The following PDE4D variants were observed in gnomAD, a reference collection of about 807,000 sequenced individuals.
PDE4D encodes the protein 3',5'-cyclic-AMP phosphodiesterase 4D.
PDE4D carries 24 observed loss-of-function variants against 87.4 expected under a neutral mutation model. That is an observed-to-expected ratio of 0.27 (90% CI 0.20 to 0.39). The LOEUF is 0.39. PDE4D is among the 10% of genes least tolerant of loss of function. PDE4D has a pLI of 1.00. For synonymous variants in PDE4D, 384 were observed against 383.2 expected (o/e 1.00, Z -0.02); for missense variants, 714 against 1,041.0 (o/e 0.69, Z 4.32).
chr5:60,363,323 C>T (rs1243033760), intron 1 of PDE4D, among the ~76,000 whole-genome samples: 2 of 152,074 alleles, frequency 1.3e-5, no homozygotes, highest in African/African-American at 4.8e-5. Flanking sequence ...TAGCTAATTC[C>T]AACAGTACCA....
chr5:59,945,810 T>G (rs577425630), intron 3 of PDE4D, among the ~76,000 whole-genome samples: 1 of 152,292 alleles, frequency 6.6e-6, no homozygotes, highest in East Asian at 1.9e-4. Flanking sequence ...GACAGACTGA[T>G]TATTGAATTT....
intron 1 of PDE4D, among the ~76,000 whole-genome samples, chr5:60,331,335 G>GT (rs1757287986): frequency 6.6e-6 from 1 of 152,154 alleles, no homozygotes; most frequent in African/African-American, 2.4e-5. Context: ...ATTAAATGAG[G>GT]TAACATATGC....
Position 60,304,371 on chromosome 5 carries a change from C to T in PDE4D, c.-89-118684G>A, listed in dbSNP as rs1004688071. Among the ~76,000 whole-genome samples the T allele has an allele frequency of 3.9e-5, 6 of 152,028 alleles. No individual in the cohort carries two copies. The South Asian group carries it at 6.2e-4, about 16-fold the overall frequency. ...ATGAAATGGAGAGAGAAGGGCCGGG[C>T]GCGGTGGCTCACGCCTGTAATCCCA... On this transcript the variant is annotated intron_variant, in intron 1 of 16. Coordinates refer to the PDE4D transcript ENST00000502484.
chr5:59,895,413 G>A (rs1751526221), upstream of PDE4D, among the ~76,000 whole-genome samples: 1 of 152,156 alleles, frequency 6.6e-6, no homozygotes, highest in East Asian at 1.9e-4. Flanking sequence ...ATCTGAGAAA[G>A]GTTGTGTCTT....
intron 2 of PDE4D, among the ~76,000 whole-genome samples, chr5:60,107,204 C>T (rs988946381): frequency 6.6e-6 from 1 of 152,174 alleles, no homozygotes; most frequent in Admixed American, 6.5e-5. Flanking sequence ...GAAATACAAA[C>T]TACCATTAGA....
chr5:59,068,494 T>C lies in PDE4D; in HGVS notation c.809-29523A>G, dbSNP rs756988437. ...CAGTGATGAGCAAAGCATTCGTGGTTTCTATGCCCAAGGATCCTATCCCGT... is the reference window on the plus strand; with the variant it reads ...CAGTGATGAGCAAAGCATTCGTGGTCTCTATGCCCAAGGATCCTATCCCGT... On this transcript the variant is annotated intron_variant, in intron 5 of 14. Transcript: ENST00000340635. Among the ~76,000 whole-genome samples, 4 of 152,160 alleles carry C rather than the reference T, an allele frequency of 2.6e-5. No homozygotes were observed. In the East Asian group the frequency reaches 7.7e-4, roughly 29 times the overall value.
At chr5:60,185,545 A>C in intron 2 of PDE4D, 1 of 1,517,978 alleles carries the variant, frequency 6.6e-7, no homozygotes, top group Non-Finnish European at 8.9e-7. Context: ...GATGAAAACA[A>C]AAGTTACTTA....
At chr5:60,510,079 A>G (rs1750503449) in intron 1 of PDE4D, among the ~76,000 whole-genome samples, 1 of 152,208 alleles carries the variant, frequency 6.6e-6, no homozygotes, top group Non-Finnish European at 1.5e-5. Context: ...GCCTTGAGCT[A>G]AGGGGAAGAC....
chr5:59,688,385 C>T lies in PDE4D; in HGVS notation c.455+204783G>A, dbSNP rs1750286130. 6.6e-5 allele frequency among the ~76,000 whole-genome samples: 10 copies of T among 152,286 alleles called. No homozygotes were observed. In the South Asian group the frequency reaches 2.1e-3, roughly 32 times the overall value. ...ACAGTCTGTCTCTCAGACCACAGTG[C>T]AATCAAACTAGAATTCAGGATTAAG... On this transcript the variant is annotated intron_variant, in intron 1 of 14. Transcript: ENST00000340635.
At chr5:60,371,945 T>A (rs1263026408) in intron 1 of PDE4D, among the ~76,000 whole-genome samples, 1 of 152,238 alleles carries the variant, frequency 6.6e-6, no homozygotes, top group Non-Finnish European at 1.5e-5. Context: ...TGCATATGTC[T>A]TTCAGTACAG....
intron 3 of PDE4D, among the ~76,000 whole-genome samples, chr5:59,974,388 T>G (rs1761091614): frequency 6.6e-6 from 1 of 152,184 alleles, no homozygotes. Flanking sequence ...AACTAATACT[T>G]TGAAAATGAT....
intron 1 of PDE4D, among the ~76,000 whole-genome samples, chr5:59,334,873 T>C (rs1294386674): frequency 6.6e-6 from 1 of 152,130 alleles, no homozygotes; most frequent in African/African-American, 2.4e-5. Context: ...ACAGAAATCA[T>C]CTAATCCTTC....
chr5:59,361,967 C>T (rs1268467902), intron 1 of PDE4D, among the ~76,000 whole-genome samples: 1 of 151,670 alleles, frequency 6.6e-6, no homozygotes, highest in Admixed American at 6.6e-5. Flanking sequence ...ATCAAAATAC[C>T]ATTGGGCAAG....
intron 5 of PDE4D, among the ~76,000 whole-genome samples, chr5:59,100,461 G>T (rs1357941742): frequency 6.6e-6 from 1 of 152,076 alleles, no homozygotes; most frequent in African/African-American, 2.4e-5. Context: ...GAAAGGTTTT[G>T]CTATATATAT....
At chr5:59,316,105 C>T (rs1479157300) in intron 1 of PDE4D, among the ~76,000 whole-genome samples, 1 of 152,018 alleles carries the variant, frequency 6.6e-6, no homozygotes, top group African/African-American at 2.4e-5. Flanking sequence ...GGCCGTAGAC[C>T]CTGCCTGGAC....
intron 1 of PDE4D, among the ~76,000 whole-genome samples, chr5:59,534,927 A>T (rs1384992057): frequency 2.0e-5 from 3 of 152,168 alleles, no homozygotes; most frequent in Non-Finnish European, 4.4e-5. Flanking sequence ...TGATGGCTGA[A>T]GGAAAAAATA....
chr5:60,319,334 A>T (rs1301199758), intron 1 of PDE4D, among the ~76,000 whole-genome samples: 1 of 152,160 alleles, frequency 6.6e-6, no homozygotes, highest in African/African-American at 2.4e-5. Context: ...TTTCACCTCC[A>T]TCAGGTCCTT....
intron 1 of PDE4D, among the ~76,000 whole-genome samples, chr5:60,404,135 T>G (rs1371588950): frequency 1.3e-5 from 2 of 150,824 alleles, no homozygotes; most frequent in Non-Finnish European, 2.9e-5. Context: ...TTATTTTGTG[T>G]ACCCAGCACC....
At chr5:60,214,957 T>C (rs1363150392) in intron 1 of PDE4D, among the ~76,000 whole-genome samples, 1 of 152,178 alleles carries the variant, frequency 6.6e-6, no homozygotes, top group Non-Finnish European at 1.5e-5. Context: ...GAATCTGTAT[T>C]CTTCCTCTCT....
Sources: gnomAD v4.1 joint callset for allele counts (sites outside exome capture counted in the v4.1 genomes callset) on GRCh38, gnomAD v4.1.1 for gene constraint, MANE v1.5 for transcripts, NCBI Gene and HGNC (gene_info 2026-07-23, HGNC 2026-07-21) for gene names.